The following FMN1 variants were observed in gnomAD, a reference collection of about 807,000 sequenced individuals.
FMN1 encodes the protein formin 1, also known as formin-1.
Under a neutral mutation model 132.4 loss-of-function variants are expected in FMN1, and 110 were observed. That is an observed-to-expected ratio of 0.83 (90% confidence interval 0.71 to 0.97). FMN1 has a LOEUF of 0.97. Among genes scored for constraint, FMN1 ranks in the 50% least tolerant of loss-of-function variants. FMN1 has a pLI of 0.00. For missense variants in FMN1, 1,792 were observed against 1,705.3 expected (o/e 1.05, Z -0.90); for synonymous variants, 722 against 651.7 (o/e 1.11, Z -1.64).
chr15:32,963,972 A>G, intron 9 of FMN1, 135 bp downstream of exon 9: 1 of 487,184 alleles, frequency 2.1e-6, no homozygotes, highest in Non-Finnish European at 3.6e-6. Flanking sequence ...TTCCTATGAT[A>G]CACACACATA....
intron 6 of FMN1, among the ~76,000 whole-genome samples, chr15:33,014,700 G>A (rs1237468517): frequency 1.8e-4 from 28 of 152,160 alleles, no homozygotes; most frequent in Admixed American, 1.8e-3. Context: ...CTAGTATTTA[G>A]CTAATTGGTT....
intron 4 of FMN1, among the ~76,000 whole-genome samples, chr15:33,109,176 A>G (rs916890323): frequency 6.6e-6 from 1 of 152,134 alleles, no homozygotes; most frequent in Non-Finnish European, 1.5e-5. Context: ...GTAACAAACT[A>G]AAATATTTTA....
chr15:33,039,901 G>A (rs1472337419), intron 6 of FMN1, among the ~76,000 whole-genome samples: 1 of 151,974 alleles, frequency 6.6e-6, no homozygotes, highest in Non-Finnish European at 1.5e-5. Context: ...CTTCCCCACT[G>A]CCGCCACTCA....
chr15:32,973,324 C>T lies in FMN1; in HGVS notation c.2224-3847G>A, dbSNP rs1254261658. Among the ~76,000 whole-genome samples, 8 of 152,274 alleles carry T rather than the reference C, an allele frequency of 5.3e-5. No individual in the cohort carries two copies. The East Asian group carries it at 5.8e-4, about 11-fold the overall frequency. On this transcript the variant is annotated intron_variant, in intron 7 of 20. Coordinates refer to ENST00000616417, the MANE Select transcript of FMN1 (RefSeq NM_001277313.2). ...TTTCCTAAACAGGTCCATGCTCTTT[C>T]ATGCATCTGGGTCTTTGCAAATACT...
intron 9 of FMN1, among the ~76,000 whole-genome samples, chr15:32,939,923 A>C (rs981724001): frequency 1.3e-5 from 2 of 152,196 alleles, no homozygotes; most frequent in Non-Finnish European, 2.9e-5. Flanking sequence ...TATTTACATA[A>C]GCACAGATTT....
At chr15:32,783,289 C>T (rs2056731236) in intron 19 of FMN1, among the ~76,000 whole-genome samples, 1 of 152,166 alleles carries the variant, frequency 6.6e-6, no homozygotes, top group Non-Finnish European at 1.5e-5. Context: ...AAAACTTTAT[C>T]TTTTCCTCTT....
chr15:33,025,423 TTGA>T, intron 6 of FMN1, among the ~76,000 whole-genome samples: 1 of 152,204 alleles, frequency 6.6e-6, no homozygotes, highest in African/African-American at 2.4e-5. Context: ...TTGCAAAAAA[TTGA>T]TGATTCACAA....
intron 6 of FMN1, among the ~76,000 whole-genome samples, chr15:33,040,668 C>A (rs16963945): frequency 1.3e-5 from 2 of 152,138 alleles, no homozygotes; most frequent in African/African-American, 4.8e-5. Context: ...AAGATTACAC[C>A]ACCAGATAGA....
At chr15:33,188,101 G>A (rs145100409) in intron 2 of FMN1, among the ~76,000 whole-genome samples, 7,446 of 152,144 alleles carry the variant, frequency 0.049, 581 homozygotes, top group African/African-American at 0.17. Context: ...TTGGGAGGCC[G>A]AGGCGGGCAG....
chr15:32,826,445 C>T (rs2058369291), intron 17 of FMN1, among the ~76,000 whole-genome samples: 1 of 152,154 alleles, frequency 6.6e-6, no homozygotes, highest in South Asian at 2.1e-4. Flanking sequence ...AAAGGGTATG[C>T]TCAGAAACTG....
chr15:33,101,517 T>G (rs1388168769), intron 4 of FMN1, among the ~76,000 whole-genome samples: 3 of 151,992 alleles, frequency 2.0e-5, no homozygotes, highest in African/African-American at 7.2e-5. Context: ...TTGTATTGGG[T>G]CACATTCAAA....
intron 2 of FMN1, among the ~76,000 whole-genome samples, chr15:33,184,470 T>A (rs1439345909): frequency 6.6e-6 from 1 of 151,960 alleles, no homozygotes; most frequent in African/African-American, 2.4e-5. Context: ...ATAAGTAAAT[T>A]TCTTCCCTTT....
At chr15:32,806,681 C>T (rs900798423) in intron 17 of FMN1, among the ~76,000 whole-genome samples, 1 of 152,236 alleles carries the variant, frequency 6.6e-6, no homozygotes, top group African/African-American at 2.4e-5. Flanking sequence ...TCGCTGGCAG[C>T]TGCCTCTGGC....
chr15:32,829,698 A>G (rs1017477526), intron 17 of FMN1, among the ~76,000 whole-genome samples: 7 of 152,198 alleles, frequency 4.6e-5, no homozygotes, highest in Admixed American at 2.0e-4. Context: ...AGCAATAAGG[A>G]TTCTCTGACT....
intron 15 of FMN1, among the ~76,000 whole-genome samples, chr15:32,898,063 T>C (rs1200244899): frequency 2.0e-5 from 3 of 152,196 alleles, no homozygotes; most frequent in African/African-American, 4.8e-5. Flanking sequence ...GAAAGTATTA[T>C]GGAGTTCATC....
At chr15:33,138,241 C>T (rs899740687) in intron 4 of FMN1, among the ~76,000 whole-genome samples, 2 of 152,176 alleles carry the variant, frequency 1.3e-5, no homozygotes, top group Non-Finnish European at 2.9e-5. Flanking sequence ...CTATCATTGA[C>T]TGCCTGTACT....
At chr15:33,132,644 C>T (rs1363352103) in intron 4 of FMN1, among the ~76,000 whole-genome samples, 5 of 152,176 alleles carry the variant, frequency 3.3e-5, no homozygotes, top group Non-Finnish European at 7.4e-5. Flanking sequence ...AACATCCAAA[C>T]CTGCAGCTTT....
intron 4 of FMN1, among the ~76,000 whole-genome samples, chr15:33,132,947 C>T (rs1451895989): frequency 2.0e-5 from 3 of 152,152 alleles, no homozygotes; most frequent in African/African-American, 7.2e-5. Flanking sequence ...AAGAAACATA[C>T]ATGCCTGGGA....
chr15:32,858,857 C>T (rs1332515656), intron 16 of FMN1, among the ~76,000 whole-genome samples: 2 of 152,184 alleles, frequency 1.3e-5, no homozygotes, highest in Non-Finnish European at 2.9e-5. Context: ...TATGAGATTA[C>T]CCTTCACCTC....
Sources: gnomAD v4.1 joint callset for allele counts (sites outside exome capture counted in the v4.1 genomes callset) on GRCh38, gnomAD v4.1.1 for gene constraint, MANE v1.5 for transcripts, NCBI Gene and HGNC (gene_info 2026-07-23, HGNC 2026-07-21) for gene names.